Variants in PARD3 observed in about 807,000 individuals in gnomAD.
The protein encoded by PARD3 is partitioning defective 3 homolog.
In PARD3, 75 loss-of-function variants were observed where a neutral mutation model predicts 155.4. That is an observed-to-expected ratio of 0.48 (90% CI 0.40 to 0.58). The LOEUF is 0.58. Ranked by LOEUF, PARD3 falls within the 20% of genes least tolerant of loss-of-function variation. PARD3 has a pLI of 0.00. For missense variants in PARD3, 1,642 were observed against 1,721.7 expected, an observed-to-expected ratio of 0.95 and a Z score of 0.82; for synonymous variants, 576 against 610.5, an observed-to-expected ratio of 0.94 and a Z score of 0.83.
chr10:34,231,749 A>G (rs1428268857), intron 22 of PARD3, among the ~76,000 whole-genome samples: 4 of 152,068 alleles, frequency 2.6e-5, no homozygotes, highest in African/African-American at 9.7e-5. Flanking sequence ...ACTATTGGCA[A>G]GGAACATAAG....
At chr10:34,525,942 G>A (rs926886552) in intron 2 of PARD3, among the ~76,000 whole-genome samples, 1 of 151,804 alleles carries the variant, frequency 6.6e-6, no homozygotes, top group East Asian at 1.9e-4. Flanking sequence ...TTAGCTGGGC[G>A]TGGTGGCACA....
At chr10:34,700,917 G>A (rs1346757502) in intron 1 of PARD3, among the ~76,000 whole-genome samples, 1 of 152,154 alleles carries the variant, frequency 6.6e-6, no homozygotes, top group Non-Finnish European at 1.5e-5. Context: ...GGAGGTTGCA[G>A]TGAGCTGAGA....
At chr10:34,655,069 T>C (rs1281499436) in intron 2 of PARD3, among the ~76,000 whole-genome samples, 4 of 151,664 alleles carry the variant, frequency 2.6e-5, no homozygotes, top group African/African-American at 9.7e-5. Flanking sequence ...ATAGTTGCAA[T>C]TTGAACCTGT....
At chr10:34,248,620 T>C (rs912553185) in intron 22 of PARD3, among the ~76,000 whole-genome samples, 4 of 152,212 alleles carry the variant, frequency 2.6e-5, no homozygotes, top group Non-Finnish European at 5.9e-5. Context: ...CTGAATCCAA[T>C]GCCTCATGCT....
intron 5 of PARD3, among the ~76,000 whole-genome samples, chr10:34,413,462 T>C (rs996872842): frequency 1.6e-4 from 22 of 141,424 alleles, no homozygotes; most frequent in East Asian, 6.1e-4. Context: ...TTTTTTTTTT[T>C]CCACTTATTT....
chr10:34,747,900 TA>T (rs1490664262), intron 1 of PARD3, among the ~76,000 whole-genome samples: 1 of 152,012 alleles, frequency 6.6e-6, no homozygotes, highest in Non-Finnish European at 1.5e-5. Context: ...GCTGGAAAAG[TA>T]AAAATCTTGT....
chr10:34,272,904 A>G (rs1171950233), intron 21 of PARD3, among the ~76,000 whole-genome samples: 4 of 152,216 alleles, frequency 2.6e-5, no homozygotes, highest in African/African-American at 9.6e-5. Context: ...GGAAATGCAA[A>G]TAAGACCATG....
At chr10:34,511,148 C>T (rs1005851740) in intron 3 of PARD3, among the ~76,000 whole-genome samples, 5 of 152,196 alleles carry the variant, frequency 3.3e-5, no homozygotes, top group African/African-American at 1.2e-4. Context: ...ACCATCTTGA[C>T]TAGGCTGATT....
chr10:34,188,793 C>T (rs1950588062), intron 22 of PARD3, among the ~76,000 whole-genome samples: 1 of 151,740 alleles, frequency 6.6e-6, no homozygotes, highest in African/African-American at 2.4e-5. Flanking sequence ...TTTTCCAACT[C>T]CCCAGAAGAT....
chr10:34,269,997 AT>A, intron 21 of PARD3, 98 bp from the exon 22 acceptor site: 4 of 1,204,974 alleles, frequency 3.3e-6, no homozygotes, highest in Non-Finnish European at 3.5e-6. Flanking sequence ...AATATATTTG[AT>A]TTCTTGCAGC....
chr10:34,742,449 T>C (rs759374616), intron 1 of PARD3, among the ~76,000 whole-genome samples: 2 of 152,228 alleles, frequency 1.3e-5, no homozygotes, highest in Non-Finnish European at 2.9e-5. Context: ...CTTGGCTGGA[T>C]GGCCTCTACA....
At chr10:34,158,907 T>A (rs942755384) in intron 22 of PARD3, among the ~76,000 whole-genome samples, 1 of 152,250 alleles carries the variant, frequency 6.6e-6, no homozygotes, top group African/African-American at 2.4e-5. Flanking sequence ...GAAGTGAGGT[T>A]GAAAGGCTTT....
chr10:34,568,993 A>C (rs1333624469), intron 2 of PARD3, among the ~76,000 whole-genome samples: 1 of 152,236 alleles, frequency 6.6e-6, no homozygotes, highest in Non-Finnish European at 1.5e-5. Context: ...ATCTAAACTC[A>C]TCAAATTTTC....
At chr10:34,531,915 T>C (rs1294563767) in intron 2 of PARD3, among the ~76,000 whole-genome samples, 1 of 152,146 alleles carries the variant, frequency 6.6e-6, no homozygotes, top group South Asian at 2.1e-4. Context: ...GGAAGACAAA[T>C]TGCTCACAAG....
intron 2 of PARD3, among the ~76,000 whole-genome samples, chr10:34,562,359 C>T (rs777065380): frequency 2.0e-5 from 3 of 152,062 alleles, no homozygotes; most frequent in Non-Finnish European, 4.4e-5. Context: ...ATCACTTGAA[C>T]CAGGGAGTCA....
chr10:34,416,616 C>A (rs142675489), intron 5 of PARD3, among the ~76,000 whole-genome samples: 1 of 152,076 alleles, frequency 6.6e-6, no homozygotes, highest in Non-Finnish European at 1.5e-5. Flanking sequence ...GTCCAGAATG[C>A]GCTGGATTAC....
At chr10:34,737,906 C>T (rs1313764164) in intron 1 of PARD3, among the ~76,000 whole-genome samples, 2 of 152,292 alleles carry the variant, frequency 1.3e-5, no homozygotes, top group South Asian at 2.1e-4. Flanking sequence ...CGCCTGGGCC[C>T]GCAGGTGGTT....
chr10:34,125,054 T>A (rs908844459), intron 23 of PARD3, among the ~76,000 whole-genome samples: 2 of 151,038 alleles, frequency 1.3e-5, no homozygotes, highest in Admixed American at 1.3e-4. Context: ...ATGGCTTATC[T>A]CCAGGTCTAT....
At chr10:34,147,071 A>G (rs1287686617) in intron 22 of PARD3, among the ~76,000 whole-genome samples, 1 of 148,608 alleles carries the variant, frequency 6.7e-6, no homozygotes. Context: ...CATCTTGAAA[A>G]GAAGGAATAA....
Sources: gnomAD v4.1 joint callset for allele counts (sites outside exome capture counted in the v4.1 genomes callset) on GRCh38, gnomAD v4.1.1 for gene constraint, MANE v1.5 for transcripts, NCBI Gene and HGNC (gene_info 2026-07-23, HGNC 2026-07-21) for gene names.